The following DDAH2 variants were observed in gnomAD, a reference collection of about 807,000 sequenced individuals.
The protein encoded by DDAH2 is DDAH family member 2, ADMA-independent.
In DDAH2, 8 loss-of-function variants were observed where a neutral mutation model predicts 24.8. The ratio of observed to expected loss-of-function variants is 0.32; its 90% CI spans 0.19 to 0.58. The LOEUF (loss-of-function observed/expected upper bound fraction) is 0.58, where lower values mean the gene tolerates loss of function less well. Among genes scored for constraint, DDAH2 ranks in the 20% least tolerant of loss-of-function variants. DDAH2 has a pLI of 0.87. For missense variants in DDAH2, 281 were observed against 379.0 expected (o/e 0.74, Z 2.15); for synonymous variants, 151 against 166.1 (o/e 0.91, Z 0.70).
rs375404521 is a variant in DDAH2, at chr6:31,728,646, C to T, written c.397G>A (p.Gly133Ser). Residue 133 changes from glycine (G) to serine (S), a missense_variant and splice_region_variant, in exon 2 of 6, where the codon GGC becomes AGC. Transcript: ENST00000375789. This position sits in a 1 kb window ranked among gnomAD's most constrained non-coding sequence, Gnocchi z 9.8. ...GACCTATGCCTCCCCCCAGCCTCAC[C>T]GGTGAAGAGAACGTCAGTGCCATCC... The part of the protein sequence containing the change: ...TLDGTDVLFT[G>S]REFFVGLSKW... The T allele has an allele frequency of 6.2e-7, 1 of 1,612,920 alleles. No homozygotes were observed. Among genetic ancestry groups the T allele is most frequent in the South Asian group, 1.1e-5 (1 of 91,072 alleles).
rs1345489301 is a variant in DDAH2, at chr6:31,728,956, A to C, written c.206T>G (p.Leu69Trp). ...QLLELPPEES[L>W]PLGPLLGDTA... ...GTCGCCAAGCAGCGGTCCCAGCGGC[A>C]ATGACTCCTCAGGTGGCAGTTCTAG... is the stretch of plus-strand genomic sequence containing the variant. Residue 69 changes from leucine to tryptophan, a missense_variant, in exon 1 of 6, where the codon TTG becomes TGG. Coordinates refer to ENST00000375789, the MANE Select transcript of DDAH2 (RefSeq NM_001303007.2). The surrounding 1 kb of genome is among the most constrained non-coding windows in gnomAD (Gnocchi z 9.8). 1 of 1,612,912 alleles carries C rather than the reference A, an allele frequency of 6.2e-7. No homozygotes were observed. The highest frequency in any genetic ancestry group is 8.5e-7 in the Non-Finnish European group (1 of 1,180,020).
Position 31,727,241 on chromosome 6 carries a change from C to A in DDAH2, c.854G>T (p.Ser285Ile), listed in dbSNP as rs777018614. ...CAGTACCCCAAGGCCAGGCCCTCAG[C>A]TGTGGGGGCGTGTGCTGAGCACCAA... ...LCLVLSTRPH[S>I] The change falls in exon 6 of 6, where the codon AGC (serine) becomes ATC (isoleucine). Residue 285 changes from serine to isoleucine, a missense_variant. Coordinates refer to ENST00000375789, the MANE Select transcript of DDAH2 (RefSeq NM_001303007.2). This position sits in a 1 kb window ranked among gnomAD's most constrained non-coding sequence, Gnocchi z 6.0. 5.0e-6 allele frequency: 8 copies of A among 1,611,900 alleles called. No homozygotes were observed. In the South Asian group the frequency reaches 8.8e-5, roughly 18 times the overall value.
chr6:31,728,115 TC>T lies in DDAH2; in HGVS notation c.591+57del, dbSNP rs1807521243. 2 of 1,593,740 alleles carry T rather than the reference TC, an allele frequency of 1.3e-6. No individual in the cohort carries two copies. The highest frequency in any genetic ancestry group is 2.7e-5 in the African/African-American group (2 of 74,462). ...GGGCTAATTTCCTAAGCCTCCCAGC[TC>T]CCGGCCTCCCGGGCCCAGAACTGCG... On this transcript the variant is annotated intron_variant, in intron 4 of 5. Coordinates refer to ENST00000375789, the MANE Select transcript of DDAH2 (RefSeq NM_001303007.2). The surrounding 1 kb of genome is among the most constrained non-coding windows in gnomAD (Gnocchi z 9.8).
At position 31,728,413 on chromosome 6, in the gene DDAH2, T is replaced by G. The variant is rs749134491; in HGVS notation, c.471+38A>C. ...CGCCCAGGCCCTTCCGACCCCCACC[T>G]GCACCCCCTCCCTCCCTAGGCTGGT... On this transcript the variant is annotated intron_variant, in intron 3 of 5. Coordinates refer to ENST00000375789, the MANE Select transcript of DDAH2 (RefSeq NM_001303007.2). This position sits in a 1 kb window ranked among gnomAD's most constrained non-coding sequence, Gnocchi z 9.8. 1.0e-5 allele frequency: 16 copies of G among 1,564,582 alleles called. No homozygotes were observed. The highest frequency in any genetic ancestry group is 1.4e-5 in the African/African-American group (1 of 73,712).
rs2151307417 is a variant in DDAH2 at position 31,728,702 on chromosome 6, A to G, written c.341T>C (p.Ile114Thr). The change falls in exon 2 of 6, where the codon ATT becomes ACT. Residue 114 changes from isoleucine to threonine, a missense_variant. Coordinates refer to ENST00000375789, the MANE Select transcript of DDAH2 (RefSeq NM_001303007.2). This position sits in a 1 kb window ranked among gnomAD's most constrained non-coding sequence, Gnocchi z 9.8. ...CGCGTTCTCGTCTCCTATTTCCACA[A>G]TTCGGAGCCCCAGGTCTTGCAGGGC... ...RKALQDLGLR[I>T]VEIGDENATL... 3 of 1,612,942 alleles carry G rather than the reference A, an allele frequency of 1.9e-6. No homozygotes were observed. The highest frequency in any genetic ancestry group is 2.2e-5 in the East Asian group (1 of 44,876).
chr6:31,727,676 G>C lies in DDAH2; in HGVS notation c.608C>G (p.Thr203Arg), dbSNP rs1427414439. ...QKAVRAMAVL[T>R]DHPYASLTLP... ...GGTCAGGGAGGCATATGGGTGATCT[G>C]TCAGCACTGCCATTGCCTAGAGGAA... The change falls in exon 5 of 6, where the codon ACA becomes AGA. Residue 203 changes from threonine (T) to arginine (R), a missense_variant. By Grantham distance (71) the Thr-to-Arg change is moderately conservative (BLOSUM62 -1). Coordinates refer to ENST00000375789, the MANE Select transcript of DDAH2 (RefSeq NM_001303007.2). This position sits in a 1 kb window ranked among gnomAD's most constrained non-coding sequence, Gnocchi z 6.0. The C allele has an allele frequency of 6.2e-7, 1 of 1,607,096 alleles. No individual in the cohort carries two copies. Among genetic ancestry groups the C allele is most frequent in the Non-Finnish European group, 8.5e-7 (1 of 1,176,824 alleles).
chr6:31,729,371 C>A, upstream of DDAH2: 1 of 590,228 alleles, frequency 1.7e-6, no homozygotes, highest in Non-Finnish European at 3.0e-6. The surrounding 1 kb of genome is among the most constrained non-coding windows in gnomAD (Gnocchi z 6.7). Flanking sequence ...CCTTCCGCTC[C>A]TGTCGACCTC....
Position 31,727,767 on chromosome 6 carries a change from G to T in DDAH2, c.592-75C>A, listed in dbSNP as rs1389972699. 3 of 1,470,310 alleles carry T rather than the reference G, an allele frequency of 2.0e-6. No homozygotes were observed. The highest frequency in any genetic ancestry group is 2.8e-5 in the African/African-American group (2 of 70,854). The allele number at this position is 1,470,310 out of a possible 1,614,324, so 91.1% of individuals were successfully genotyped here. On this transcript the variant is annotated intron_variant, in intron 4 of 5. Transcript: ENST00000375789. This position sits in a 1 kb window ranked among gnomAD's most constrained non-coding sequence, Gnocchi z 6.0. ...TCTGCCTGCTCAACCACCACTAAGG[G>T]CTGGGGACGGACTGACATTTGTGGA...
Position 31,727,614 on chromosome 6 carries a change from GAAGA to G in DDAH2, c.666_669del (p.Leu223ValfsTer76), listed in dbSNP as rs1807479311. 6.2e-7 allele frequency: 1 copy of G among 1,612,932 alleles called. No homozygotes were observed. The highest frequency in any genetic ancestry group is 8.5e-7 in the Non-Finnish European group (1 of 1,180,016). ...GGGGGCACACCAGGCAACCCAGGAC[GAAGA>G]AAGAGACAGTCAGCAGCTGCGTCAT... On this transcript the variant is annotated frameshift_variant, in exon 5 of 6. Coordinates refer to ENST00000375789, the MANE Select transcript of DDAH2 (RefSeq NM_001303007.2). LOFTEE classifies it high-confidence loss of function. The surrounding 1 kb of genome is among the most constrained non-coding windows in gnomAD (Gnocchi z 6.0).
In DDAH2 at chr6:31,727,212, C is replaced by G; in HGVS notation, c.*25G>C. 6.4e-7 allele frequency: 1 copy of G among 1,566,310 alleles called. No individual in the cohort carries two copies. Among genetic ancestry groups the G allele is most frequent in the Non-Finnish European group, 8.8e-7 (1 of 1,138,228 alleles). On this transcript the variant is annotated 3_prime_UTR_variant, in exon 6 of 6. Coordinates refer to ENST00000375789, the MANE Select transcript of DDAH2 (RefSeq NM_001303007.2). The surrounding 1 kb of genome is among the most constrained non-coding windows in gnomAD (Gnocchi z 6.0). ...ACTTCCTATACTATCCTACCCCTGG[C>G]CAGCAGTACCCCAAGGCCAGGCCCT...
At position 31,728,290 on chromosome 6, in the gene DDAH2, G is replaced by T; in HGVS notation, c.474C>A (p.Asp158Glu). The change falls in exon 4 of 6, where the codon GAC becomes GAA. Residue 158 changes from aspartate to glutamate, a missense_variant and splice_region_variant. By Grantham distance (45) the Asp-to-Glu change is conservative (BLOSUM62 2). Transcript: ENST00000375789. The surrounding 1 kb of genome is among the most constrained non-coding windows in gnomAD (Gnocchi z 9.8). ...GAEIVADTFR[D>E]FAVSTVPVSG... is the part of the protein sequence containing the mutation. ...AGACTGGCACAGTGGAGACGGCGAA[G>T]TCCTAGGGAGAGCGAAGGGAGGTAT... 6.2e-7 allele frequency: 1 copy of T among 1,608,764 alleles called. No individual in the cohort carries two copies.
upstream of DDAH2, chr6:31,729,517 G>A (rs976419131): frequency 3.3e-6 from 1 of 302,206 alleles, no homozygotes; most frequent in East Asian, 6.0e-5. The surrounding 1 kb of genome is among the most constrained non-coding windows in gnomAD (Gnocchi z 6.7). Flanking sequence ...CCTCTTGGCA[G>A]CCACTAGGAT....
Position 31,728,583 on chromosome 6 carries a change from GACGGCCGAGTCTCCCAA to G in DDAH2, c.397+46_398-60del. The G allele has an allele frequency of 6.2e-7, 1 of 1,611,674 alleles. No individual in the cohort carries two copies. Among genetic ancestry groups the G allele is most frequent in the Non-Finnish European group, 8.5e-7 (1 of 1,179,022 alleles). ...GGAGTGAGTTAGAAACAAGGCTCCA[GACGGCCGAGTCTCCCAA>G]ACTCTACTTCCCTGTGCCAAGACCT... On this transcript the variant is annotated intron_variant, in intron 2 of 5. Coordinates refer to ENST00000375789, the MANE Select transcript of DDAH2 (RefSeq NM_001303007.2). The surrounding 1 kb of genome is among the most constrained non-coding windows in gnomAD (Gnocchi z 9.8).
chr6:31,727,198 TATCCTACCCCTGGCCAGC>T lies in DDAH2; in HGVS notation c.*21_*38del, dbSNP rs764969360. 1 of 1,478,146 alleles carries T rather than the reference TATCCTACCCCTGGCCAGC, an allele frequency of 6.8e-7. No individual in the cohort carries two copies. The highest frequency in any genetic ancestry group is 9.4e-7 in the Non-Finnish European group (1 of 1,059,714). 91.6% of individuals were successfully genotyped at this position (1,478,146 alleles called of 1,614,324 possible). A position where few individuals can be genotyped will look rare whatever the true frequency, so the allele number is the denominator to read the frequency against. ...CTCCTTCCCCTTCTACTTCCTATACTATCCTACCCCTGGCCAGCAGTACCCCAAGGCCAGGCCCTCAGC... is the reference window on the plus strand; with the variant it reads ...CTCCTTCCCCTTCTACTTCCTATACTAGTACCCCAAGGCCAGGCCCTCAGC... On this transcript the variant is annotated 3_prime_UTR_variant, in exon 6 of 6. Coordinates refer to ENST00000375789, the MANE Select transcript of DDAH2 (RefSeq NM_001303007.2). The surrounding 1 kb of genome is among the most constrained non-coding windows in gnomAD (Gnocchi z 6.0).
upstream of DDAH2, chr6:31,730,198 A>G (rs1278447992): frequency 6.5e-6 from 1 of 154,078 alleles, no homozygotes; most frequent in Non-Finnish European, 1.4e-5. This position sits in a 1 kb window ranked among gnomAD's most constrained non-coding sequence, Gnocchi z 5.1. Context: ...TGTGTAGGCG[A>G]GCTCATATAC....
rs752337796 is a variant in DDAH2, at chr6:31,727,311, A to G, written c.784T>C (p.Cys262Arg). Residue 262 changes from cysteine to arginine, a missense_variant, in exon 6 of 6, where the codon TGC becomes CGC. By Grantham distance (180) the Cys-to-Arg change is radical (BLOSUM62 -3). Coordinates refer to ENST00000375789, the MANE Select transcript of DDAH2 (RefSeq NM_001303007.2). The surrounding 1 kb of genome is among the most constrained non-coding windows in gnomAD (Gnocchi z 6.0). ...LSDVTLVPVS[C>R]SELEKAGAGL... ...GCGCCAGCCTTCTCCAGTTCTGAGCAGGACACAGGTACCAGGGTGACATCA... is the reference window on the plus strand; with the variant it reads ...GCGCCAGCCTTCTCCAGTTCTGAGCGGGACACAGGTACCAGGGTGACATCA... 16 of 1,613,098 alleles carry G rather than the reference A, an allele frequency of 9.9e-6. No individual in the cohort carries two copies. The highest frequency in any genetic ancestry group is 1.4e-5 in the Non-Finnish European group (16 of 1,180,018).
rs1807467483 is a variant in DDAH2, at chr6:31,727,513, C to T, written c.741+30G>A. 4 of 1,612,928 alleles carry T rather than the reference C, an allele frequency of 2.5e-6. No homozygotes were observed. The highest frequency in any genetic ancestry group is 3.4e-6 in the Non-Finnish European group (4 of 1,180,014). On this transcript the variant is annotated intron_variant, in intron 5 of 5. Coordinates refer to ENST00000375789, the MANE Select transcript of DDAH2 (RefSeq NM_001303007.2). This position sits in a 1 kb window ranked among gnomAD's most constrained non-coding sequence, Gnocchi z 6.0. ...CCTGAAACTCTTTTCTCTGATGGTGCTTGGTGTTGGAGTTCCTGCCCTCTC... is the reference window on the plus strand; with the variant it reads ...CCTGAAACTCTTTTCTCTGATGGTGTTTGGTGTTGGAGTTCCTGCCCTCTC...
In DDAH2 at chr6:31,728,153, T is replaced by G. The variant is rs1453901386; in HGVS notation, c.591+20A>C. The stretch of plus-strand genomic sequence containing the variant: ...GGCCCAGAACTGCGCCCACTTTCGT[T>G]GGCCCCGCCCCCTCCTCACCCGGAC... On this transcript the variant is annotated intron_variant, in intron 4 of 5. Coordinates refer to ENST00000375789, the MANE Select transcript of DDAH2 (RefSeq NM_001303007.2). The surrounding 1 kb of genome is among the most constrained non-coding windows in gnomAD (Gnocchi z 9.8). 2 of 1,609,360 alleles carry G rather than the reference T, an allele frequency of 1.2e-6. No homozygotes were observed. Among genetic ancestry groups the G allele is most frequent in the African/African-American group, 2.7e-5 (2 of 74,866 alleles).
chr6:31,729,176 C>T lies in DDAH2; in HGVS notation c.-15G>A. ...GGCGTCCCCATCCCATCCACACAGA[C>T]TCCCCCTCCAACCGCTCGGATTTCT... On this transcript the variant is annotated 5_prime_UTR_variant, in exon 1 of 6. Transcript: ENST00000375789. This position sits in a 1 kb window ranked among gnomAD's most constrained non-coding sequence, Gnocchi z 6.7. 6.4e-7 allele frequency: 1 copy of T among 1,571,812 alleles called. No individual in the cohort carries two copies. Among genetic ancestry groups the T allele is most frequent in the Non-Finnish European group, 8.7e-7 (1 of 1,151,622 alleles).
Sources: allele counts gnomAD v4.1 joint callset, GRCh38; gene constraint gnomAD v4.1.1; non-coding constraint Gnocchi (gnomAD v3.1); transcripts MANE v1.5; gene names NCBI Gene and HGNC (gene_info 2026-07-23, HGNC 2026-07-21).